Variants in PPARG observed in about 807,000 individuals in gnomAD.
PPARG encodes peroxisome proliferator activated receptor gamma.
In PPARG, 17 loss-of-function variants were observed where a neutral mutation model predicts 39.2. The observed-to-expected ratio is 0.43, with a 90% CI of 0.30 to 0.65. PPARG has a LOEUF of 0.65. Among genes scored for constraint, PPARG ranks in the 30% least tolerant of loss-of-function variants. PPARG has a pLI of 0.13. For missense variants in PPARG, 406 were observed against 585.9 expected (o/e 0.69, Z 3.17); for synonymous variants, 223 against 215.7 (o/e 1.03, Z -0.30).
chr3:12,322,075 T>G (rs2047562275), intron 2 of PPARG, among the ~76,000 whole-genome samples: 1 of 152,250 alleles, frequency 6.6e-6, no homozygotes, highest in African/African-American at 2.4e-5. Flanking sequence ...CCATGAGAGA[T>G]ATGCATTTAC....
At chr3:12,319,406 T>C (rs985954504) in intron 2 of PPARG, among the ~76,000 whole-genome samples, 3 of 152,328 alleles carry the variant, frequency 2.0e-5, no homozygotes, top group Admixed American at 2.0e-4. Context: ...AAAAAATCTA[T>C]TATTGAACTT....
chr3:12,367,807 C>G (rs375312552), intron 2 of PPARG, among the ~76,000 whole-genome samples: 1 of 151,826 alleles, frequency 6.6e-6, no homozygotes, highest in Non-Finnish European at 1.5e-5. Context: ...ACAGGGAGGT[C>G]GAGGCTTCAG....
intron 1 of PPARG, among the ~76,000 whole-genome samples, chr3:12,302,283 A>G (rs762941290): frequency 1.2e-4 from 19 of 152,224 alleles, no homozygotes; most frequent in Non-Finnish European, 1.9e-4. Flanking sequence ...GGATGATTCC[A>G]TTTGTACAAA....
chr3:12,346,586 T>C (rs1331430893), intron 2 of PPARG, among the ~76,000 whole-genome samples: 1 of 152,122 alleles, frequency 6.6e-6, no homozygotes, highest in East Asian at 1.9e-4. Flanking sequence ...TGCTTCTGAG[T>C]TAAGAAGACC....
intron 2 of PPARG, among the ~76,000 whole-genome samples, chr3:12,318,804 G>A (rs911479002): frequency 2.0e-5 from 3 of 151,782 alleles, no homozygotes; most frequent in African/African-American, 7.3e-5. Context: ...ATAATTGGAA[G>A]CTAGTTCCAT....
intron 5 of PPARG, among the ~76,000 whole-genome samples, chr3:12,400,475 G>A (rs1201376203): frequency 6.6e-6 from 1 of 152,192 alleles, no homozygotes. Context: ...ATAAAGGAAT[G>A]CCAATATGCT....
intron 2 of PPARG, 53 bp from the exon 3 acceptor site, chr3:12,379,651 A>G: frequency 6.8e-7 from 1 of 1,473,256 alleles, no homozygotes; most frequent in South Asian, 1.1e-5. Flanking sequence ...ACTCTGTGAG[A>G]TTGCTGTGTT....
At chr3:12,335,391 T>C (rs1279104735) in intron 2 of PPARG, among the ~76,000 whole-genome samples, 3 of 152,262 alleles carry the variant, frequency 2.0e-5, no homozygotes, top group East Asian at 1.9e-4. Context: ...ACTGCCTTCA[T>C]TGAAATAAGC....
chr3:12,427,718 A>G (rs965541126), intron 7 of PPARG, among the ~76,000 whole-genome samples: 1 of 152,186 alleles, frequency 6.6e-6, no homozygotes, highest in Non-Finnish European at 1.5e-5. Context: ...GCCTCCTAGA[A>G]CATGCCTGTG....
intron 2 of PPARG, among the ~76,000 whole-genome samples, chr3:12,331,825 T>G (rs73025224): frequency 0.059 from 9,047 of 152,288 alleles, 291 homozygotes; most frequent in Middle Eastern, 0.085. Context: ...TGGCAGCATT[T>G]ACTAAGACAG....
intron 7 of PPARG, among the ~76,000 whole-genome samples, chr3:12,422,416 A>G (rs938955693): frequency 6.6e-6 from 1 of 152,218 alleles, no homozygotes; most frequent in Non-Finnish European, 1.5e-5. Context: ...CGGTGAGGTC[A>G]AGGTTCAGAC....
intron 6 of PPARG, 126 bp from the exon 7 acceptor site, chr3:12,416,578 A>T (rs1368812232): frequency 1.1e-6 from 1 of 869,902 alleles, no homozygotes; most frequent in African/African-American, 1.7e-5. Context: ...ATTATTAAGC[A>T]TCTTCAGCTT....
chr3:12,301,856 G>A (rs1253266776), intron 1 of PPARG: 2 of 152,152 alleles, frequency 1.3e-5, no homozygotes, highest in African/African-American at 2.4e-5. Context: ...ACAGGTTTGA[G>A]GCTTTCTCTT....
At chr3:12,296,611 C>G (rs900332855) in intron 1 of PPARG, among the ~76,000 whole-genome samples, 1 of 152,178 alleles carries the variant, frequency 6.6e-6, no homozygotes, top group Non-Finnish European at 1.5e-5. Flanking sequence ...AAACTACCCC[C>G]ATTGACCTAT....
intron 1 of PPARG, among the ~76,000 whole-genome samples, chr3:12,311,461 A>T (rs558883132): frequency 2.3e-4 from 35 of 152,322 alleles, no homozygotes; most frequent in African/African-American, 7.7e-4. Context: ...AGTTTATATT[A>T]TTTCCTGCTA....
chr3:12,418,813 A>G (rs1204046994), intron 7 of PPARG, among the ~76,000 whole-genome samples: 1 of 152,224 alleles, frequency 6.6e-6, no homozygotes, highest in Non-Finnish European at 1.5e-5. Flanking sequence ...CGGCCTTTAA[A>G]TGCCTAGGGT....
chr3:12,346,241 A>G (rs1483203913), intron 2 of PPARG, among the ~76,000 whole-genome samples: 1 of 152,086 alleles, frequency 6.6e-6, no homozygotes, highest in African/African-American at 2.4e-5. Flanking sequence ...ATCAGACACT[A>G]TTTTTTCAGA....
intron 2 of PPARG, among the ~76,000 whole-genome samples, chr3:12,368,002 G>T (rs1401344326): frequency 6.6e-6 from 1 of 151,920 alleles, no homozygotes; most frequent in Non-Finnish European, 1.5e-5. Flanking sequence ...TGCATCTAAA[G>T]ATACATATTG....
intron 6 of PPARG, among the ~76,000 whole-genome samples, chr3:12,409,376 G>A (rs1320333119): frequency 6.6e-6 from 1 of 151,232 alleles, no homozygotes; most frequent in Non-Finnish European, 1.5e-5. Flanking sequence ...ATCAAATTAA[G>A]CACTAGTGGA....
Sources: gnomAD v4.1 joint callset for allele counts (sites outside exome capture counted in the v4.1 genomes callset) on GRCh38, gnomAD v4.1.1 for gene constraint, MANE v1.5 for transcripts, NCBI Gene and HGNC (gene_info 2026-07-23, HGNC 2026-07-21) for gene names.